PLEKHF1: variants seen among roughly 807,000 people sequenced by gnomAD.
PLEKHF1 encodes the protein pleckstrin homology and FYVE domain containing 1.
A neutral mutation model predicts 4.1 loss-of-function variants in PLEKHF1; 1 was observed. The observed-to-expected ratio is 0.24, with a 90% CI of 0.09 to 1.15. The LOEUF (loss-of-function observed/expected upper bound fraction) is 1.15. Among genes scored for constraint, PLEKHF1 ranks in the 50% most tolerant of loss-of-function variants. The pLI is 0.52. For missense variants in PLEKHF1, 429 were observed against 400.6 expected (o/e 1.07, Z -0.60); for synonymous variants, 182 against 178.5 (o/e 1.02, Z -0.16).
At chr19:29,673,280 C>G (rs1971650915) in intron 1 of PLEKHF1, among the ~76,000 whole-genome samples, 1 of 152,134 alleles carries the variant, frequency 6.6e-6, no homozygotes, top group South Asian at 2.1e-4. Flanking sequence ...TCTCCTGGCA[C>G]AGACCGTTCT....
At chr19:29,669,849 A>G (rs117482821) in intron 1 of PLEKHF1, among the ~76,000 whole-genome samples, 2,156 of 151,950 alleles carry the variant, frequency 0.014, 39 homozygotes, top group South Asian at 0.024. Flanking sequence ...TCTCCTTCCT[A>G]TCTTTTATTT....
Position 29,671,373 on chromosome 19 carries a change from G to C in PLEKHF1, c.-16-2451G>C, listed in dbSNP as rs898628670. Reference sequence around the variant, plus strand: ...TTACATACAACATTCTACAGGCTGTGTTTTTCCACTCCACGTTTGTTGTTT... The same window carrying C: ...TTACATACAACATTCTACAGGCTGTCTTTTTCCACTCCACGTTTGTTGTTT... On this transcript the variant is annotated intron_variant, in intron 1 of 1. Transcript: ENST00000436066. This position sits in a 1 kb window ranked among gnomAD's most constrained non-coding sequence, Gnocchi z 4.0. Among the ~76,000 whole-genome samples, 1 of 152,150 alleles carries C rather than the reference G, an allele frequency of 6.6e-6. No individual in the cohort carries two copies. Among genetic ancestry groups the C allele is most frequent in the African/African-American group, 2.4e-5 (1 of 41,432 alleles).
chr19:29,670,209 G>A (rs1185179773), intron 1 of PLEKHF1, among the ~76,000 whole-genome samples: 1 of 152,192 alleles, frequency 6.6e-6, no homozygotes, highest in Non-Finnish European at 1.5e-5. Flanking sequence ...TGGGATTACA[G>A]GCATGAGCCA....
Position 29,674,389 on chromosome 19 carries a change from G to C in PLEKHF1, c.550G>C (p.Ala184Pro), listed in dbSNP as rs528817277. ...HCRKCGFVVCAECSRQRFLLP... is the reference protein window; with the variant it reads ...HCRKCGFVVCPECSRQRFLLP... The stretch of plus-strand genomic sequence containing the variant: ...CCGCAAGTGCGGCTTCGTGGTCTGC[G>C]CTGAGTGCTCGCGCCAGCGCTTCCT... The change falls in exon 2 of 2, where the codon GCT (alanine) becomes CCT (proline). Residue 184 changes from alanine to proline, a missense_variant. By Grantham distance (27) the Ala-to-Pro change is conservative. Coordinates refer to ENST00000436066, the MANE Select transcript of PLEKHF1 (RefSeq NM_024310.5). The C allele has an allele frequency of 6.5e-7, 1 of 1,534,014 alleles. No individual in the cohort carries two copies. The highest frequency in any genetic ancestry group is 8.7e-7 in the Non-Finnish European group (1 of 1,144,394).
intron 1 of PLEKHF1, 86 bp downstream of exon 1, chr19:29,665,591 G>T: frequency 8.1e-7 from 1 of 1,230,170 alleles, no homozygotes; most frequent in South Asian, 1.3e-5. Flanking sequence ...CCCCGGACAA[G>T]CGAGCTCTCT....
At position 29,672,167 on chromosome 19, in the gene PLEKHF1, G is replaced by T. The variant is rs944208758; in HGVS notation, c.-16-1657G>T. On this transcript the variant is annotated intron_variant, in intron 1 of 1. Coordinates refer to ENST00000436066, the MANE Select transcript of PLEKHF1 (RefSeq NM_024310.5). Reference sequence around the variant, plus strand: ...CCTGTTAAATCCCACAAAGAAAAACGATTGAATCCCAGAGAAGTGGCCAGC... The same window carrying T: ...CCTGTTAAATCCCACAAAGAAAAACTATTGAATCCCAGAGAAGTGGCCAGC... Among the ~76,000 whole-genome samples, 4 of 152,138 alleles carry T rather than the reference G, an allele frequency of 2.6e-5. No individual in the cohort carries two copies. The East Asian group carries it at 7.7e-4, about 29-fold the overall frequency.
In PLEKHF1 at chr19:29,675,010, G is replaced by T; in HGVS notation, c.*331G>T. The T allele has an allele frequency of 3.3e-6, 1 of 303,162 alleles. No homozygotes were observed. The allele number at this position is 303,162 out of a possible 1,614,324, so 18.8% of individuals were successfully genotyped here. ...CAGGTCTCCAGACATCTAGGGACCA[G>T]AGCAGGTTTGGGAACACAGAGGGAA... is the stretch of plus-strand genomic sequence containing the variant. On this transcript the variant is annotated 3_prime_UTR_variant, in exon 2 of 2. Transcript: ENST00000436066.
In PLEKHF1 at chr19:29,674,933, A is replaced by G. The variant is rs1275225721; in HGVS notation, c.*254A>G. On this transcript the variant is annotated 3_prime_UTR_variant, in exon 2 of 2. Transcript: ENST00000436066. ...GTCTTGGTAACAAACGCCACCTTACACTCTGCAGGCTGCAGCGGCAGCTCC... is the reference window on the plus strand; with the variant it reads ...GTCTTGGTAACAAACGCCACCTTACGCTCTGCAGGCTGCAGCGGCAGCTCC... 1.5e-5 allele frequency: 8 copies of G among 517,410 alleles called. No individual in the cohort carries two copies. Among genetic ancestry groups the G allele is most frequent in the South Asian group, 4.2e-5 (1 of 23,886 alleles). 32.1% of individuals were successfully genotyped at this position (517,410 alleles called of 1,614,324 possible).
chr19:29,674,409 C>T lies in PLEKHF1; in HGVS notation c.570C>T (p.Arg190=). ...FVVCAECSRQ[R]FLLPRLSPKP... Reference sequence around the variant, plus strand: ...TCTGCGCTGAGTGCTCGCGCCAGCGCTTCCTGCTCCCGCGCCTGTCCCCCA... The same window carrying T: ...TCTGCGCTGAGTGCTCGCGCCAGCGTTTCCTGCTCCCGCGCCTGTCCCCCA... Residue 190 remains arginine, a synonymous_variant, in exon 2 of 2, where the codon CGC becomes CGT. Transcript: ENST00000436066. The T allele has an allele frequency of 6.5e-7, 1 of 1,530,304 alleles. No individual in the cohort carries two copies. The highest frequency in any genetic ancestry group is 2.0e-5 in the Admixed American group (1 of 50,566). The allele number at this position is 1,530,304 out of a possible 1,614,324, so 94.8% of individuals were successfully genotyped here.
intron 1 of PLEKHF1, among the ~76,000 whole-genome samples, chr19:29,673,412 A>G (rs2145590013): frequency 6.6e-6 from 1 of 151,180 alleles, no homozygotes; most frequent in Non-Finnish European, 1.5e-5. Flanking sequence ...TAAGAGATAG[A>G]ATCCACTCAG....
chr19:29,672,678 ACTC>A lies in PLEKHF1; in HGVS notation c.-16-1143_-16-1141del, dbSNP rs552194277. 2.7e-3 allele frequency among the ~76,000 whole-genome samples: 413 copies of A among 151,710 alleles called. 3 individuals are homozygous for A. The highest frequency in any genetic ancestry group is 9.8e-3 in the African/African-American group (406 of 41,326). On this transcript the variant is annotated intron_variant, in intron 1 of 1. Coordinates refer to ENST00000436066, the MANE Select transcript of PLEKHF1 (RefSeq NM_024310.5). ...GATGTGTCCTAGGTCTGGGGTTTGAACTCCTGGATGAATGGTGGTGTCACTGAA... is the reference window on the plus strand; with the variant it reads ...GATGTGTCCTAGGTCTGGGGTTTGAACTGGATGAATGGTGGTGTCACTGAA...
At position 29,674,535 on chromosome 19, in the gene PLEKHF1, C is replaced by T; in HGVS notation, c.696C>T (p.Ala232=). The part of the protein sequence containing the change: ...EQGAGSPGQP[A]HLARPICGAS... ...GCGCGGGGTCCCCAGGGCAGCCAGC[C>T]CACCTGGCCCGGCCCATCTGCGGAG... The change falls in exon 2 of 2, where the codon GCC becomes GCT. Residue 232 remains alanine, a synonymous_variant. Coordinates refer to ENST00000436066, the MANE Select transcript of PLEKHF1 (RefSeq NM_024310.5). The T allele has an allele frequency of 3.8e-6, 6 of 1,582,400 alleles. No homozygotes were observed. Among genetic ancestry groups the T allele is most frequent in the Non-Finnish European group, 5.1e-6 (6 of 1,166,152 alleles).
chr19:29,674,078 T>A lies in PLEKHF1; in HGVS notation c.239T>A (p.Ile80Asn), dbSNP rs1316574243. 3 of 1,613,958 alleles carry A rather than the reference T, an allele frequency of 1.9e-6. No individual in the cohort carries two copies. Among genetic ancestry groups the A allele is most frequent in the Non-Finnish European group, 2.5e-6 (3 of 1,179,978 alleles). Residue 80 changes from isoleucine (I) to asparagine (N), a missense_variant, in exon 2 of 2, where the codon ATC becomes AAC. Transcript: ENST00000436066. ...CGCAAGTACCGCAGCCAGCACATCA[T>A]CCCCCTGGAGGAGGTCACACTGGAG... ...NKRKYRSQHI[I>N]PLEEVTLELL...
At chr19:29,673,793 G>A (rs745979166) in intron 1 of PLEKHF1, 31 bp from the exon 2 acceptor site, 7 of 1,562,754 alleles carry the variant, frequency 4.5e-6, no homozygotes, top group Non-Finnish European at 6.1e-6. Context: ...GCCTGAGCCT[G>A]GACATACTCC....
At position 29,674,574 on chromosome 19, in the gene PLEKHF1, T is replaced by G; in HGVS notation, c.735T>G (p.Asp245Glu). 1 of 1,602,338 alleles carries G rather than the reference T, an allele frequency of 6.2e-7. No individual in the cohort carries two copies. Among genetic ancestry groups the G allele is most frequent in the East Asian group, 2.3e-5 (1 of 44,238 alleles). Reference protein sequence around the residue: ...ARPICGASSGDDDDSDEDKEG... With the variant: ...ARPICGASSGEDDDSDEDKEG... ...CCATCTGCGGAGCGTCCAGTGGAGATGACGATGACTCCGACGAGGACAAGG... is the reference window on the plus strand; with the variant it reads ...CCATCTGCGGAGCGTCCAGTGGAGAGGACGATGACTCCGACGAGGACAAGG... Residue 245 changes from aspartate (D) to glutamate (E), a missense_variant, in exon 2 of 2, where the codon GAT (aspartate) becomes GAG (glutamate). Transcript: ENST00000436066.
At chr19:29,673,418 C>T (rs1971652752) in intron 1 of PLEKHF1, among the ~76,000 whole-genome samples, 1 of 151,536 alleles carries the variant, frequency 6.6e-6, no homozygotes, top group South Asian at 2.1e-4. Context: ...ATAGAATCCA[C>T]TCAGTCACCT....
Position 29,674,040 on chromosome 19 carries a change from C to T in PLEKHF1, c.201C>T (p.Ile67=). ...ACGACATCCTGGTGTATGGCAGCATCGTGCTCAACAAGCGCAAGTACCGCA... is the reference window on the plus strand; with the variant it reads ...ACGACATCCTGGTGTATGGCAGCATTGTGCTCAACAAGCGCAAGTACCGCA... ...LFNDILVYGS[I]VLNKRKYRSQ... The change falls in exon 2 of 2, where the codon ATC becomes ATT. Residue 67 remains isoleucine, a synonymous_variant. Transcript: ENST00000436066. 1.9e-6 allele frequency: 3 copies of T among 1,614,166 alleles called. No homozygotes were observed. Among genetic ancestry groups the T allele is most frequent in the African/African-American group, 1.3e-5 (1 of 75,070 alleles).
In PLEKHF1 at chr19:29,671,985, G is replaced by A. The variant is rs1025044044; in HGVS notation, c.-16-1839G>A. ...TGGGCCTTGGGACCTGCTTGGAACCGTGCCAAGCTACTTATGAAGCATCTA... is the reference window on the plus strand; with the variant it reads ...TGGGCCTTGGGACCTGCTTGGAACCATGCCAAGCTACTTATGAAGCATCTA... On this transcript the variant is annotated intron_variant, in intron 1 of 1. Coordinates refer to ENST00000436066, the MANE Select transcript of PLEKHF1 (RefSeq NM_024310.5). This position sits in a 1 kb window ranked among gnomAD's most constrained non-coding sequence, Gnocchi z 4.0. 3.9e-5 allele frequency among the ~76,000 whole-genome samples: 6 copies of A among 151,918 alleles called. No individual in the cohort carries two copies. The highest frequency in any genetic ancestry group is 6.6e-5 in the Admixed American group (1 of 15,230).
chr19:29,669,696 C>T (rs1033586979), intron 1 of PLEKHF1, among the ~76,000 whole-genome samples: 3 of 152,162 alleles, frequency 2.0e-5, no homozygotes, highest in African/African-American at 4.8e-5. Flanking sequence ...GGCAGATATT[C>T]GGATTTCATC....
Sources: gnomAD v4.1 joint callset for allele counts (sites outside exome capture counted in the v4.1 genomes callset) on GRCh38, gnomAD v4.1.1 for gene constraint, Gnocchi (gnomAD v3.1) non-coding constraint, MANE v1.5 for transcripts, NCBI Gene and HGNC (gene_info 2026-07-23, HGNC 2026-07-21) for gene names.